The following CDK5RAP2 variants were observed in gnomAD, a reference collection of about 807,000 sequenced individuals.
CDK5RAP2 encodes CDK5 regulatory subunit-associated protein 2.
A neutral mutation model predicts 232.9 loss-of-function variants in CDK5RAP2; 147 were observed. That is an observed-to-expected ratio of 0.63 (90% CI 0.55 to 0.72). The LOEUF (loss-of-function observed/expected upper bound fraction) is 0.72. Ranked by LOEUF, CDK5RAP2 falls within the 30% of genes least tolerant of loss-of-function variation. The pLI is 0.00. For missense variants in CDK5RAP2, 2,195 were observed against 2,231.5 expected (o/e 0.98, Z 0.33); for synonymous variants, 833 against 833.7 (o/e 1.00, Z 0.01).
intron 23 of CDK5RAP2, 97 bp downstream of exon 23, chr9:120,443,523 G>A: frequency 7.6e-7 from 1 of 1,308,748 alleles, no homozygotes; most frequent in Non-Finnish European, 1.1e-6. Context: ...TGCCCTGAGA[G>A]GGCTGCTATG....
chr9:120,429,613 T>G (rs1048621252), intron 25 of CDK5RAP2, among the ~76,000 whole-genome samples: 7 of 151,922 alleles, frequency 4.6e-5, no homozygotes, highest in Non-Finnish European at 8.8e-5. Flanking sequence ...TAAAAGAGGA[T>G]ACAAACAAAT....
chr9:120,515,074 G>C (rs1467368100), intron 12 of CDK5RAP2, among the ~76,000 whole-genome samples: 1 of 152,012 alleles, frequency 6.6e-6, no homozygotes, highest in Non-Finnish European at 1.5e-5. Flanking sequence ...GAGAGAGAGA[G>C]AGAGACAGAG....
intron 32 of CDK5RAP2, 95 bp downstream of exon 32, chr9:120,406,917 C>A (rs1588248826): frequency 1.1e-6 from 1 of 949,642 alleles, no homozygotes; most frequent in Non-Finnish European, 1.7e-6. Flanking sequence ...GGAAAGACAC[C>A]TCTGTGGGGC....
intron 13 of CDK5RAP2, among the ~76,000 whole-genome samples, chr9:120,488,350 T>C (rs1164001164): frequency 1.3e-5 from 2 of 152,242 alleles, no homozygotes; most frequent in Non-Finnish European, 2.9e-5. Context: ...CTTTCTAGAA[T>C]TGTCACAATA....
In CDK5RAP2 at chr9:120,508,677, C is replaced by T. The variant is rs2039943233; in HGVS notation, c.1311+9750G>A. Reference sequence around the variant, plus strand: ...TCCTGCTACCAGGAATGCATTCCCACCTCCCATTCCCCCAGGCAAACAGCT... The same window carrying T: ...TCCTGCTACCAGGAATGCATTCCCATCTCCCATTCCCCCAGGCAAACAGCT... On this transcript the variant is annotated intron_variant, in intron 12 of 37. Coordinates refer to ENST00000349780, the MANE Select transcript of CDK5RAP2 (RefSeq NM_018249.6). 3.3e-5 allele frequency among the ~76,000 whole-genome samples: 5 copies of T among 152,144 alleles called. No individual in the cohort carries two copies. The South Asian group carries it at 1.0e-3, about 31-fold the overall frequency.
chr9:120,403,190 C>G lies in CDK5RAP2; in HGVS notation c.5042-119G>C. 1.0e-6 allele frequency: 1 copy of G among 976,078 alleles called. No homozygotes were observed. The highest frequency in any genetic ancestry group is 1.4e-5 in the South Asian group (1 of 69,572). 60.5% of individuals were successfully genotyped at this position (976,078 alleles called of 1,614,324 possible). On this transcript the variant is annotated intron_variant, in intron 33 of 37. Transcript: ENST00000349780. This position sits in a 1 kb window ranked among gnomAD's most constrained non-coding sequence, Gnocchi z 4.2. Reference sequence around the variant, plus strand: ...GAGGCCCTCGTGCCCAAATGCCACCCAACACAAGCCCAGAGGGGAAAAGAG... The same window carrying G: ...GAGGCCCTCGTGCCCAAATGCCACCGAACACAAGCCCAGAGGGGAAAAGAG...
intron 11 of CDK5RAP2, among the ~76,000 whole-genome samples, chr9:120,520,212 C>T (rs1425510756): frequency 2.0e-5 from 3 of 152,276 alleles, no homozygotes; most frequent in East Asian, 3.9e-4. Context: ...CAGTGTATAG[C>T]TCAACAAATG....
At chr9:120,414,294 C>T (rs1279407877) in intron 28 of CDK5RAP2, among the ~76,000 whole-genome samples, 2 of 152,148 alleles carry the variant, frequency 1.3e-5, no homozygotes, top group Non-Finnish European at 2.9e-5. Context: ...CAGCAGGGTC[C>T]ACACTCCGGC....
At chr9:120,521,551 T>C (rs1024985330) in intron 11 of CDK5RAP2, among the ~76,000 whole-genome samples, 6 of 152,126 alleles carry the variant, frequency 3.9e-5, no homozygotes, top group African/African-American at 1.2e-4. Context: ...GCCTGTGTCA[T>C]GTAACATGCG....
intron 12 of CDK5RAP2, among the ~76,000 whole-genome samples, chr9:120,493,895 C>G (rs531897575): frequency 6.6e-6 from 1 of 152,106 alleles, no homozygotes; most frequent in East Asian, 1.9e-4. Flanking sequence ...AGTTTGAGAC[C>G]AGCTTGGCCA....
At chr9:120,415,740 T>C (rs1247941499) in intron 27 of CDK5RAP2, among the ~76,000 whole-genome samples, 1 of 152,230 alleles carries the variant, frequency 6.6e-6, no homozygotes, top group Non-Finnish European at 1.5e-5. Flanking sequence ...CTTCTATACT[T>C]AGCCTTAGAA....
intron 15 of CDK5RAP2, among the ~76,000 whole-genome samples, chr9:120,476,397 G>A (rs1470083930): frequency 6.6e-6 from 1 of 151,992 alleles, no homozygotes; most frequent in African/African-American, 2.4e-5. Context: ...CCATCCCACT[G>A]TGTAGAGAGA....
At position 120,389,218 on chromosome 9, in the gene CDK5RAP2, A is replaced by G; in HGVS notation, c.*18T>C. ...GCTCGGTGGGGGAAGCACAAGCTTTATTGGCTGAAAGTTCTTCTCAGGAGC... is the reference window on the plus strand; with the variant it reads ...GCTCGGTGGGGGAAGCACAAGCTTTGTTGGCTGAAAGTTCTTCTCAGGAGC... On this transcript the variant is annotated 3_prime_UTR_variant, in exon 38 of 38. Coordinates refer to ENST00000349780, the MANE Select transcript of CDK5RAP2 (RefSeq NM_018249.6). 1 of 1,608,628 alleles carries G rather than the reference A, an allele frequency of 6.2e-7. No homozygotes were observed. Among genetic ancestry groups the G allele is most frequent in the Non-Finnish European group, 8.5e-7 (1 of 1,176,716 alleles).
At position 120,400,029 on chromosome 9, in the gene CDK5RAP2, G is replaced by C. The variant is rs76590657; in HGVS notation, c.5451+713C>G. Reference sequence around the variant, plus strand: ...TTCCTACTGGCCTTTGGCAAGAACAGATAGGTTAGATAAACAAAGGGTGAA... The same window carrying C: ...TTCCTACTGGCCTTTGGCAAGAACACATAGGTTAGATAAACAAAGGGTGAA... On this transcript the variant is annotated intron_variant, in intron 35 of 37. Coordinates refer to ENST00000349780, the MANE Select transcript of CDK5RAP2 (RefSeq NM_018249.6). 7.2e-5 allele frequency among the ~76,000 whole-genome samples: 11 copies of C among 152,308 alleles called. No homozygotes were observed. In the East Asian group the frequency reaches 1.2e-3, roughly 16 times the overall value.
intron 12 of CDK5RAP2, among the ~76,000 whole-genome samples, chr9:120,508,355 C>T (rs2039929113): frequency 6.6e-6 from 1 of 152,134 alleles, no homozygotes; most frequent in Admixed American, 6.5e-5. Flanking sequence ...GGCCTCCTAC[C>T]TCACTTCACC....
At chr9:120,576,619 T>C (rs973245113) in intron 1 of CDK5RAP2, among the ~76,000 whole-genome samples, 1 of 152,088 alleles carries the variant, frequency 6.6e-6, no homozygotes, top group African/African-American at 2.4e-5. Flanking sequence ...CCAGAACCGC[T>C]TGAACCCACG....
At chr9:120,424,084 T>C (rs998105819) in intron 25 of CDK5RAP2, among the ~76,000 whole-genome samples, 4 of 152,172 alleles carry the variant, frequency 2.6e-5, no homozygotes, top group Non-Finnish European at 5.9e-5. Flanking sequence ...TACTATCTCC[T>C]TCAGGCCTCA....
intron 3 of CDK5RAP2, among the ~76,000 whole-genome samples, chr9:120,555,654 T>C (rs2042202607): frequency 6.6e-6 from 1 of 152,142 alleles, no homozygotes; most frequent in African/African-American, 2.4e-5. Flanking sequence ...TGGCAATTTC[T>C]TGCAAAAAAA....
chr9:120,527,722 A>T, intron 10 of CDK5RAP2, 84 bp downstream of exon 10: 1 of 1,500,968 alleles, frequency 6.7e-7, no homozygotes, highest in Non-Finnish European at 9.1e-7. Flanking sequence ...TAAACTTTTT[A>T]TCTGAAGCTA....
Sources: gnomAD v4.1 joint callset for allele counts (sites outside exome capture counted in the v4.1 genomes callset) on GRCh38, gnomAD v4.1.1 for gene constraint, Gnocchi (gnomAD v3.1) non-coding constraint, MANE v1.5 for transcripts, NCBI Gene and HGNC (gene_info 2026-07-23, HGNC 2026-07-21) for gene names.